PTPRT: variants seen among roughly 807,000 people sequenced by gnomAD.
PTPRT encodes the protein receptor-type tyrosine-protein phosphatase T.
PTPRT carries 56 observed loss-of-function variants against 176.8 expected under a neutral mutation model. The observed-to-expected ratio is 0.32, with a 90% CI of 0.26 to 0.40. PTPRT has a LOEUF of 0.40. Among genes scored for constraint, PTPRT ranks in the 10% least tolerant of loss-of-function variants. The pLI is 1.00. For missense variants in PTPRT, 1,540 were observed against 1,908.2 expected (o/e 0.81, Z 3.60); for synonymous variants, 783 against 739.0 (o/e 1.06, Z -0.96).
In PTPRT at chr20:42,404,727, T is replaced by A. The variant is rs113652029; in HGVS notation, c.1560+43493A>T. ...AATTTCAAATGTAAGGAACTAAATATGACTGCTATGTCTTATAATTTTCAA... is the reference window on the plus strand; with the variant it reads ...AATTTCAAATGTAAGGAACTAAATAAGACTGCTATGTCTTATAATTTTCAA... On this transcript the variant is annotated intron_variant, in intron 9 of 30. Coordinates refer to ENST00000373187, the MANE Select transcript of PTPRT (RefSeq NM_007050.6). Among the ~76,000 whole-genome samples, 419 of 152,166 alleles carry A rather than the reference T, an allele frequency of 2.8e-3. 5 individuals are homozygous for A. The highest frequency in any genetic ancestry group is 9.4e-3 in the African/African-American group (392 of 41,546).
chr20:42,353,115 C>A (rs1600877669), intron 9 of PTPRT, among the ~76,000 whole-genome samples: 1 of 152,194 alleles, frequency 6.6e-6, no homozygotes, highest in Admixed American at 6.5e-5. Flanking sequence ...TTCATTTGGA[C>A]TAGCCACTGC....
Position 43,040,602 on chromosome 20 carries a change from G to A in PTPRT, c.88+149044C>T, listed in dbSNP as rs146282249. Among the ~76,000 whole-genome samples, 504 of 152,222 alleles carry A rather than the reference G, an allele frequency of 3.3e-3. 4 individuals are homozygous for A. Among genetic ancestry groups the A allele is most frequent in the African/African-American group, 0.011 (476 of 41,536 alleles). On this transcript the variant is annotated intron_variant, in intron 1 of 30. Coordinates refer to ENST00000373187, the MANE Select transcript of PTPRT (RefSeq NM_007050.6). The stretch of plus-strand genomic sequence containing the variant: ...TTCCCCAGAATGACAGAGCTCCCTC[G>A]CTGTCCTTGGTCCTGAAAGATGGGA...
intron 2 of PTPRT, among the ~76,000 whole-genome samples, chr20:42,864,941 C>T (rs965401974): frequency 6.6e-6 from 1 of 152,158 alleles, no homozygotes; most frequent in African/African-American, 2.4e-5. Flanking sequence ...TAAATTCAGG[C>T]TTTCTTCTAC....
intron 2 of PTPRT, among the ~76,000 whole-genome samples, chr20:42,864,209 A>T (rs2078707095): frequency 6.6e-6 from 1 of 152,190 alleles, no homozygotes; most frequent in African/African-American, 2.4e-5. Flanking sequence ...GTAAGCACAC[A>T]CTGGACAAAG....
chr20:42,756,729 C>A, intron 5 of PTPRT, 93 bp from the exon 6 acceptor site: 2 of 1,151,362 alleles, frequency 1.7e-6, no homozygotes, highest in Non-Finnish European at 2.4e-6. Flanking sequence ...TCCTCACACC[C>A]CTGGGGCTCA....
chr20:42,678,168 C>T lies in PTPRT; in HGVS notation c.860-9G>A, dbSNP rs2146069586. On this transcript the variant is annotated splice_polypyrimidine_tract_variant and intron_variant, in intron 6 of 30. Transcript: ENST00000373187. ...AATGGGCGTGGGAGGCTCTGTAAGA[C>T]AAGCAATCAAAAAGGACTGTCAGAT... 6.2e-7 allele frequency: 1 copy of T among 1,608,544 alleles called. No homozygotes were observed. The highest frequency in any genetic ancestry group is 8.5e-7 in the Non-Finnish European group (1 of 1,176,574).
intron 1 of PTPRT, among the ~76,000 whole-genome samples, chr20:43,088,965 A>G (rs1157844447): frequency 6.6e-6 from 1 of 152,132 alleles, no homozygotes; most frequent in Non-Finnish European, 1.5e-5. Flanking sequence ...AAAGTGATAA[A>G]TTCTCTAAAT....
intron 1 of PTPRT, among the ~76,000 whole-genome samples, chr20:43,142,811 G>A (rs2014057583): frequency 6.6e-6 from 1 of 152,238 alleles, no homozygotes; most frequent in African/African-American, 2.4e-5. Flanking sequence ...TAACTGCCCA[G>A]TGGAGTCTTA....
At chr20:42,470,117 C>T (rs1036933053) in intron 8 of PTPRT, among the ~76,000 whole-genome samples, 3 of 152,150 alleles carry the variant, frequency 2.0e-5, no homozygotes, top group Non-Finnish European at 2.9e-5. Flanking sequence ...TGAGTCAAGC[C>T]GGGTATTTTC....
At chr20:42,816,213 C>G (rs949215037) in intron 2 of PTPRT, among the ~76,000 whole-genome samples, 1 of 152,136 alleles carries the variant, frequency 6.6e-6, no homozygotes, top group African/African-American at 2.4e-5. Flanking sequence ...AAGTTGATAG[C>G]TCAGATGCTA....
At chr20:43,101,858 G>T (rs1397772578) in intron 1 of PTPRT, among the ~76,000 whole-genome samples, 19 of 152,186 alleles carry the variant, frequency 1.2e-4, no homozygotes, top group Admixed American at 1.3e-4. Flanking sequence ...TCAGATTATT[G>T]ATTATCTTCA....
intron 1 of PTPRT, among the ~76,000 whole-genome samples, chr20:42,986,149 G>C (rs944446949): frequency 1.3e-5 from 2 of 152,188 alleles, no homozygotes; most frequent in Non-Finnish European, 2.9e-5. Context: ...TTAATATGAA[G>C]CTCTGACACT....
At chr20:42,368,809 T>C (rs1318080108) in intron 9 of PTPRT, among the ~76,000 whole-genome samples, 2 of 152,172 alleles carry the variant, frequency 1.3e-5, no homozygotes, top group African/African-American at 4.8e-5. Flanking sequence ...AATATAAATA[T>C]AGAAACGCTC....
At chr20:42,296,380 G>C (rs566879062) in intron 12 of PTPRT, among the ~76,000 whole-genome samples, 1 of 151,566 alleles carries the variant, frequency 6.6e-6, no homozygotes. Context: ...TGGGAGGCAC[G>C]GTTTGCAGTG....
intron 1 of PTPRT, among the ~76,000 whole-genome samples, chr20:43,061,826 C>A (rs1049061512): frequency 6.6e-6 from 1 of 152,334 alleles, no homozygotes; most frequent in Middle Eastern, 3.4e-3. Context: ...ACACCTTTAT[C>A]CCACCCATCG....
intron 1 of PTPRT, among the ~76,000 whole-genome samples, chr20:42,937,850 A>C (rs748621429): frequency 6.6e-6 from 1 of 152,242 alleles, no homozygotes; most frequent in Non-Finnish European, 1.5e-5. Flanking sequence ...AACTCTTGGA[A>C]AATTTTGAGA....
intron 7 of PTPRT, among the ~76,000 whole-genome samples, chr20:42,666,841 T>C (rs538577203): frequency 2.6e-4 from 40 of 152,362 alleles, no homozygotes; most frequent in Non-Finnish European, 4.1e-4. Context: ...TATGGCTATT[T>C]ATTTTTGTTT....
At chr20:42,642,990 C>T (rs2074796736) in intron 7 of PTPRT, among the ~76,000 whole-genome samples, 1 of 152,112 alleles carries the variant, frequency 6.6e-6, no homozygotes, top group African/African-American at 2.4e-5. Context: ...CCTACTTCTT[C>T]CACGAGAAGA....
intron 7 of PTPRT, among the ~76,000 whole-genome samples, chr20:42,603,636 T>C (rs1316085508): frequency 6.6e-6 from 1 of 152,162 alleles, no homozygotes; most frequent in East Asian, 1.9e-4. Flanking sequence ...TGGCATGATG[T>C]GATTTATGTT....
Sources: allele counts gnomAD v4.1 joint callset (sites outside exome capture counted in the v4.1 genomes callset), GRCh38; gene constraint gnomAD v4.1.1; transcripts MANE v1.5; gene names NCBI Gene and HGNC (gene_info 2026-07-23, HGNC 2026-07-21).